EXOC4: variants seen among roughly 807,000 people sequenced by gnomAD.
EXOC4 encodes SEC8-like 1.
Under a neutral mutation model 107.2 loss-of-function variants are expected in EXOC4, and 71 were observed. That is an observed-to-expected ratio of 0.66 (90% CI 0.55 to 0.81). EXOC4 has a LOEUF of 0.81. Ranked by LOEUF, EXOC4 falls within the 30% of genes least tolerant of loss-of-function variation. The pLI is 0.00. For synonymous variants in EXOC4, 456 were observed against 441.2 expected (o/e 1.03, Z -0.42); for missense variants, 1,108 against 1,189.6 (o/e 0.93, Z 1.01).
intron 7 of EXOC4, among the ~76,000 whole-genome samples, chr7:133,391,296 C>G (rs1300930634): frequency 6.6e-6 from 1 of 152,194 alleles, no homozygotes; most frequent in Non-Finnish European, 1.5e-5. Context: ...GAAAGCTCAG[C>G]ACGAATTAGC....
At chr7:133,906,782 G>C (rs10225454) in intron 12 of EXOC4, among the ~76,000 whole-genome samples, 70,908 of 151,982 alleles carry the variant, frequency 0.47, 17,841 homozygotes, top group African/African-American at 0.65. Context: ...TCCACCAAGG[G>C]GCCTATTGCC....
intron 10 of EXOC4, among the ~76,000 whole-genome samples, chr7:133,653,258 T>G (rs1803206145): frequency 6.6e-6 from 1 of 152,228 alleles, no homozygotes. Flanking sequence ...CTCTATTACT[T>G]TGAATTGGTT....
intron 10 of EXOC4, among the ~76,000 whole-genome samples, chr7:133,772,480 GTAAC>G (rs771992788): frequency 3.3e-5 from 5 of 151,478 alleles, no homozygotes; most frequent in South Asian, 2.1e-4. Flanking sequence ...GTATACATAT[GTAAC>G]TAACCTGCAC....
intron 10 of EXOC4, among the ~76,000 whole-genome samples, chr7:133,795,082 A>T (rs1283896715): frequency 6.6e-6 from 1 of 151,992 alleles, no homozygotes; most frequent in South Asian, 2.1e-4. Context: ...AACTTTTTTT[A>T]AAAAATCAAG....
chr7:134,048,713 A>T lies in EXOC4; in HGVS notation c.2688-15578A>T, dbSNP rs570975733. On this transcript the variant is annotated intron_variant, in intron 17 of 17. Transcript: ENST00000253861. ...TTTTAATGGCCCCAGGTCACATTTGACCTGAAGGAGACATACTAGAGGTGA... is the reference window on the plus strand; with the variant it reads ...TTTTAATGGCCCCAGGTCACATTTGTCCTGAAGGAGACATACTAGAGGTGA... 3.9e-5 allele frequency among the ~76,000 whole-genome samples: 6 copies of T among 152,218 alleles called. No individual in the cohort carries two copies. In the South Asian group the frequency reaches 1.2e-3, roughly 32 times the overall value.
At chr7:134,080,898 A>T in the EXOC4 span, among the ~76,000 whole-genome samples, 169 of 152,250 alleles carry the variant, frequency 1.1e-3, no homozygotes, top group African/African-American at 3.8e-3. Flanking sequence ...TTGAGCTATG[A>T]TCGTGCTACT....
At chr7:133,943,784 G>A (rs1800486289) in intron 14 of EXOC4, among the ~76,000 whole-genome samples, 1 of 152,030 alleles carries the variant, frequency 6.6e-6, no homozygotes, top group African/African-American at 2.4e-5. Flanking sequence ...TTTTAGAAAT[G>A]TTCAAGTCAG....
chr7:133,539,658 A>C (rs1298526710), intron 9 of EXOC4, among the ~76,000 whole-genome samples: 1 of 152,120 alleles, frequency 6.6e-6, no homozygotes, highest in Non-Finnish European at 1.5e-5. Flanking sequence ...TGCATGATTT[A>C]ATAACTTGGA....
chr7:134,026,967 A>G (rs959141395), intron 17 of EXOC4, among the ~76,000 whole-genome samples: 1 of 152,188 alleles, frequency 6.6e-6, no homozygotes, highest in African/African-American at 2.4e-5. Flanking sequence ...GTTGAACTAT[A>G]TAGTTACAGA....
chr7:133,577,556 C>T (rs1377565618), intron 9 of EXOC4, among the ~76,000 whole-genome samples: 1 of 152,154 alleles, frequency 6.6e-6, no homozygotes, highest in Non-Finnish European at 1.5e-5. Flanking sequence ...CAAGTTAAGT[C>T]AGAGTATGGA....
At chr7:134,033,342 G>C (rs970087839) in intron 17 of EXOC4, among the ~76,000 whole-genome samples, 34 of 152,168 alleles carry the variant, frequency 2.2e-4, no homozygotes, top group African/African-American at 8.0e-4. Context: ...GAAATATTTA[G>C]GGAAAGTCAA....
chr7:133,900,806 A>G (rs955098054), intron 12 of EXOC4, among the ~76,000 whole-genome samples: 8 of 152,240 alleles, frequency 5.3e-5, no homozygotes, highest in African/African-American at 9.6e-5. Flanking sequence ...TATCTTTTCT[A>G]TGCTGTATTT....
At chr7:133,880,553 G>A (rs7792636) in intron 11 of EXOC4, among the ~76,000 whole-genome samples, 21,466 of 152,110 alleles carry the variant, frequency 0.14, 1,732 homozygotes, top group African/African-American at 0.2. Flanking sequence ...TTCAAAATAC[G>A]TAAGTCAACA....
At position 133,713,817 on chromosome 7, in the gene EXOC4, G is replaced by A. The variant is rs112020540; in HGVS notation, c.1514+83676G>A. On this transcript the variant is annotated intron_variant, in intron 10 of 17. Coordinates refer to ENST00000253861, the MANE Select transcript of EXOC4 (RefSeq NM_021807.4). ...CCTTGCTTCCCCTTCACCTTCTGCC[G>A]TGACTGTAAGTTTTCTGAGCCTCCC... 5.3e-3 allele frequency among the ~76,000 whole-genome samples: 808 copies of A among 152,162 alleles called. 2 individuals are homozygous for A. Among genetic ancestry groups the A allele is most frequent in the Non-Finnish European group, 8.6e-3 (586 of 68,016 alleles).
chr7:133,257,357 T>TAC (rs1236569840), intron 1 of EXOC4, among the ~76,000 whole-genome samples: 5 of 136,804 alleles, frequency 3.7e-5, no homozygotes, highest in East Asian at 2.0e-4. Flanking sequence ...TTGGATGGTT[T>TAC]ACACACACGC....
At chr7:133,751,035 G>T (rs1326542708) in intron 10 of EXOC4, among the ~76,000 whole-genome samples, 3 of 152,314 alleles carry the variant, frequency 2.0e-5, no homozygotes, top group East Asian at 3.9e-4. Flanking sequence ...TTGGAAGAAA[G>T]TACTTTTTCC....
At chr7:133,610,698 C>T (rs960805861) in intron 9 of EXOC4, among the ~76,000 whole-genome samples, 1 of 152,086 alleles carries the variant, frequency 6.6e-6, no homozygotes, top group Non-Finnish European at 1.5e-5. Context: ...GTGATTGCCT[C>T]ACAGCAGGGA....
At chr7:133,524,237 G>T (rs1230469312) in intron 9 of EXOC4, among the ~76,000 whole-genome samples, 1 of 60,208 alleles carries the variant, frequency 1.7e-5, no homozygotes, top group African/African-American at 6.7e-5. Flanking sequence ...CTGCATAAAT[G>T]TCTTCTTTTG....
rs1435008644 is a variant in EXOC4, at chr7:133,803,019, A to G, written c.1515-14306A>G. ...TGAATGCATTGAAGTAATGAACTGA[A>G]TACATAAATGGTAAATGCAAAACTA... is the stretch of plus-strand genomic sequence containing the variant. On this transcript the variant is annotated intron_variant, in intron 10 of 17. Coordinates refer to ENST00000253861, the MANE Select transcript of EXOC4 (RefSeq NM_021807.4). 5.3e-5 allele frequency among the ~76,000 whole-genome samples: 8 copies of G among 152,198 alleles called. No individual in the cohort carries two copies. In the South Asian group the frequency reaches 8.3e-4, roughly 16 times the overall value.
Sources: gnomAD v4.1 joint callset for allele counts (sites outside exome capture counted in the v4.1 genomes callset) on GRCh38, gnomAD v4.1.1 for gene constraint, MANE v1.5 for transcripts, NCBI Gene and HGNC (gene_info 2026-07-23, HGNC 2026-07-21) for gene names.